Variants in CDH12 observed in about 807,000 individuals in gnomAD.
CDH12 encodes the protein cadherin-12.
Under a neutral mutation model 74.1 loss-of-function variants are expected in CDH12, and 41 were observed. The ratio of observed to expected loss-of-function variants is 0.55; its 90% CI spans 0.43 to 0.72. The LOEUF is 0.72. CDH12 is among the 30% of genes least tolerant of loss of function. The pLI, the probability that CDH12 is intolerant of heterozygous loss-of-function variation, is 0.00. For missense variants in CDH12, 945 were observed against 977.2 expected, an observed-to-expected ratio of 0.97 and a Z score of 0.44; for synonymous variants, 399 against 355.0, an observed-to-expected ratio of 1.12 and a Z score of -1.39.
At chr5:22,112,491 C>G (rs1007725434) in intron 4 of CDH12, among the ~76,000 whole-genome samples, 1 of 152,084 alleles carries the variant, frequency 6.6e-6, no homozygotes, top group East Asian at 1.9e-4. Context: ...TCCAAACACA[C>G]GCTAATTTAA....
At chr5:22,123,181 CT>C (rs1745626093) in intron 4 of CDH12, among the ~76,000 whole-genome samples, 1 of 152,058 alleles carries the variant, frequency 6.6e-6, no homozygotes, top group Non-Finnish European at 1.5e-5. Context: ...GATAAATGCC[CT>C]TATAGAAGAG....
Position 22,751,886 on chromosome 5 carries a change from T to C in CDH12, c.-523+101172A>G, listed in dbSNP as rs149783207. Among the ~76,000 whole-genome samples the C allele has an allele frequency of 4.2e-3, 634 of 152,340 alleles. 3 individuals carry two copies. Among genetic ancestry groups the C allele is most frequent in the Non-Finnish European group, 7.0e-3 (474 of 68,014 alleles). On this transcript the variant is annotated intron_variant, in intron 1 of 14. Transcript: ENST00000382254. ...AATATAAACATTATATAACCACTGT[T>C]TGAAGACTAGTGCTACATAAACATC...
chr5:22,136,497 C>A (rs1192283271), intron 4 of CDH12, among the ~76,000 whole-genome samples: 1 of 151,742 alleles, frequency 6.6e-6, no homozygotes, highest in Non-Finnish European at 1.5e-5. Flanking sequence ...GTATACCCAC[C>A]AAGAACCTTT....
chr5:22,305,407 T>G (rs1034289675), intron 3 of CDH12, among the ~76,000 whole-genome samples: 1 of 152,210 alleles, frequency 6.6e-6, no homozygotes, highest in Non-Finnish European at 1.5e-5. Context: ...TGTGTATATT[T>G]TTTTTAAAAA....
chr5:22,224,544 C>A (rs1424859107), intron 3 of CDH12, among the ~76,000 whole-genome samples: 1 of 151,900 alleles, frequency 6.6e-6, no homozygotes, highest in Non-Finnish European at 1.5e-5. Context: ...GCAAAAAAGG[C>A]AGAATTGAGG....
intron 2 of CDH12, among the ~76,000 whole-genome samples, chr5:22,419,869 T>C (rs563613792): frequency 6.6e-6 from 1 of 152,286 alleles, no homozygotes; most frequent in East Asian, 1.9e-4. Flanking sequence ...GGTATGGCAT[T>C]GTGGTTCTGA....
intron 1 of CDH12, among the ~76,000 whole-genome samples, chr5:22,678,172 A>G (rs1316671354): frequency 2.6e-5 from 4 of 152,084 alleles, no homozygotes. Flanking sequence ...CTACAAATTT[A>G]GAAAAATCCT....
chr5:22,022,790 T>A (rs1738072066), intron 5 of CDH12, among the ~76,000 whole-genome samples: 1 of 152,162 alleles, frequency 6.6e-6, no homozygotes, highest in South Asian at 2.1e-4. Flanking sequence ...GACTTTTCTC[T>A]TCTTCTGATA....
At chr5:22,350,755 G>C (rs1740324846) in intron 3 of CDH12, among the ~76,000 whole-genome samples, 1 of 152,210 alleles carries the variant, frequency 6.6e-6, no homozygotes, top group African/African-American at 2.4e-5. Flanking sequence ...CAAGTGGCTA[G>C]GTATATGGTC....
chr5:21,835,375 A>G (rs1749474466), intron 8 of CDH12, among the ~76,000 whole-genome samples: 1 of 151,792 alleles, frequency 6.6e-6, no homozygotes. Flanking sequence ...GTGTATATAT[A>G]TATATATGTA....
chr5:22,171,056 G>A (rs1748994137), intron 4 of CDH12, among the ~76,000 whole-genome samples: 1 of 151,830 alleles, frequency 6.6e-6, no homozygotes. Context: ...AATTAGATAT[G>A]CTTCCATGTT....
At chr5:21,983,343 G>A (rs1757389308) in intron 5 of CDH12, among the ~76,000 whole-genome samples, 1 of 152,022 alleles carries the variant, frequency 6.6e-6, no homozygotes, top group Non-Finnish European at 1.5e-5. Context: ...AACCAAGAGT[G>A]GACTTGGTAT....
intron 1 of CDH12, among the ~76,000 whole-genome samples, chr5:22,830,070 A>G (rs1736519921): frequency 6.6e-6 from 1 of 152,212 alleles, no homozygotes; most frequent in Admixed American, 6.5e-5. Context: ...GCTAAATCAA[A>G]GCCTACTTTT....
intron 6 of CDH12, among the ~76,000 whole-genome samples, chr5:21,878,686 G>A (rs530725591): frequency 2.0e-5 from 3 of 151,698 alleles, no homozygotes; most frequent in Non-Finnish European, 4.4e-5. Flanking sequence ...AGTTTGCAGT[G>A]CTGAGATCCT....
intron 2 of CDH12, among the ~76,000 whole-genome samples, chr5:22,425,153 G>GTGTATATA (rs1554039869): frequency 1.0e-4 from 9 of 88,016 alleles, no homozygotes; most frequent in South Asian, 4.1e-4. Flanking sequence ...ATGTGTGTGT[G>GTGTATATA]TATATATATA....
At chr5:22,475,086 T>A (rs921910177) in intron 2 of CDH12, among the ~76,000 whole-genome samples, 1 of 150,466 alleles carries the variant, frequency 6.6e-6, no homozygotes, top group Non-Finnish European at 1.5e-5. Flanking sequence ...TGTCTTGAAT[T>A]CTGGAACTCA....
At chr5:22,756,684 G>A (rs920881073) in intron 1 of CDH12, among the ~76,000 whole-genome samples, 8 of 151,998 alleles carry the variant, frequency 5.3e-5, no homozygotes, top group Non-Finnish European at 1.0e-4. Context: ...GTTACTGGCC[G>A]GACGCGGTGG....
chr5:22,818,829 C>A (rs1376894757), intron 1 of CDH12, among the ~76,000 whole-genome samples: 1 of 152,042 alleles, frequency 6.6e-6, no homozygotes, highest in East Asian at 1.9e-4. Context: ...CTTCAAAGAG[C>A]TAACATATTG....
At position 22,467,821 on chromosome 5, in the gene CDH12, T is replaced by C. The variant is rs1360600442; in HGVS notation, c.-428+37449A>G. On this transcript the variant is annotated intron_variant, in intron 2 of 14. Coordinates refer to ENST00000382254, the MANE Select transcript of CDH12 (RefSeq NM_004061.5). ...AAGATCACCAGATCCACCTACTAAG[T>C]TATTGATGGGATCATGACTCTTTTT... Among the ~76,000 whole-genome samples, 3 of 152,330 alleles carry C rather than the reference T, an allele frequency of 2.0e-5. No individual in the cohort carries two copies. In the South Asian group the frequency reaches 6.2e-4, roughly 32 times the overall value.
Sources: gnomAD v4.1 joint callset for allele counts (sites outside exome capture counted in the v4.1 genomes callset) on GRCh38, gnomAD v4.1.1 for gene constraint, MANE v1.5 for transcripts, NCBI Gene and HGNC (gene_info 2026-07-23, HGNC 2026-07-21) for gene names.